The following CHFR variants were observed in gnomAD, a reference collection of about 807,000 sequenced individuals.
The protein encoded by CHFR is checkpoint with forkhead and ring finger domains.
Under a neutral mutation model 87.6 loss-of-function variants are expected in CHFR, and 57 were observed. The ratio of observed to expected loss-of-function variants is 0.65; its 90% CI spans 0.53 to 0.81. CHFR has a LOEUF of 0.81. CHFR is among the 30% of genes least tolerant of loss of function. The pLI is 0.00. For missense variants in CHFR, 797 were observed against 865.8 expected, an observed-to-expected ratio of 0.92 and a Z score of 1.00; for synonymous variants, 381 against 359.2, an observed-to-expected ratio of 1.06 and a Z score of -0.69.
At chr12:132,859,717 T>C (rs1951172619) in intron 7 of CHFR, among the ~76,000 whole-genome samples, 2 of 152,240 alleles carry the variant, frequency 1.3e-5, no homozygotes, top group South Asian at 4.1e-4. Context: ...TATTTTTAAT[T>C]AAAGAAACTG....
chr12:132,852,913 C>T (rs914108954), intron 11 of CHFR, among the ~76,000 whole-genome samples: 1 of 152,228 alleles, frequency 6.6e-6, no homozygotes, highest in Non-Finnish European at 1.5e-5. Flanking sequence ...AGAAGTGAAG[C>T]CTCCATACCC....
intron 2 of CHFR, among the ~76,000 whole-genome samples, chr12:132,886,717 T>C (rs1460862050): frequency 3.3e-5 from 5 of 152,174 alleles, no homozygotes; most frequent in African/African-American, 1.2e-4. Flanking sequence ...AGCTATAAAT[T>C]TCCCTCTGAG....
At chr12:132,863,054 GC>G (rs1951251981) in intron 6 of CHFR, among the ~76,000 whole-genome samples, 2 of 141,944 alleles carry the variant, frequency 1.4e-5, no homozygotes, top group South Asian at 4.5e-4. Flanking sequence ...CCGCCACCAC[GC>G]CCGGCTAATT....
intron 3 of CHFR, among the ~76,000 whole-genome samples, chr12:132,875,945 C>T (rs960651780): frequency 2.0e-5 from 3 of 152,162 alleles, no homozygotes; most frequent in African/African-American, 7.2e-5. Flanking sequence ...GAGGCTGAGG[C>T]AGGCAGATCA....
chr12:132,843,323 G>A (rs1950741764), intron 16 of CHFR, among the ~76,000 whole-genome samples: 1 of 152,184 alleles, frequency 6.6e-6, no homozygotes, highest in Admixed American at 6.5e-5. Flanking sequence ...CACTTTGGGA[G>A]GCAGAGGCAG....
chr12:132,843,023 G>A lies in CHFR; in HGVS notation c.1904C>T (p.Ala635Val), dbSNP rs1950734903. Reference protein sequence around the residue: ...WGRNCRTQVKAHHAMKFNHIC... With the variant: ...WGRNCRTQVKVHHAMKFNHIC... ...CAGCTGCACTCACATGGCGTGGTGA[G>A]CTTTCACCTGAGTGCGGCAGTTACG... The change falls in exon 17 of 18, where the codon GCT (alanine) becomes GTT (valine). Residue 635 changes from alanine (A) to valine (V), a missense_variant. Ala to Val is a moderately conservative substitution (Grantham distance 64). Around this residue, in one of 2 missense-constraint regions of CHFR, gnomAD observed 200 missense variants for 264.6 expected, o/e 0.76. Transcript: ENST00000450056. 1.2e-6 allele frequency: 2 copies of A among 1,612,542 alleles called. No individual in the cohort carries two copies. Among genetic ancestry groups the A allele is most frequent in the Non-Finnish European group, 1.7e-6 (2 of 1,179,428 alleles).
At chr12:132,861,754 G>C in intron 6 of CHFR, 120 bp from the exon 7 acceptor site, 2 of 876,828 alleles carry the variant, frequency 2.3e-6, no homozygotes, top group South Asian at 3.3e-5. Context: ...CGTAGTTTAG[G>C]AATGACAAGT....
In CHFR at chr12:132,838,773, AG is replaced by A. The variant is rs1216669249; in HGVS notation, c.*2780del. 2 of 152,274 alleles carry A rather than the reference AG, an allele frequency of 1.3e-5. No homozygotes were observed. The highest frequency in any genetic ancestry group is 2.9e-5 in the Non-Finnish European group (2 of 68,076). The allele number at this position is 152,274 out of a possible 1,614,324, so 9.4% of individuals were successfully genotyped here. A position where few individuals can be genotyped will look rare whatever the true frequency, so the allele number is the denominator to read the frequency against. On this transcript the variant is annotated 3_prime_UTR_variant, in exon 18 of 18. Transcript: ENST00000450056. ...GTGGGATGGCTGGGTCTTGAGGACG[AG>A]GAAGTACAGAAGCTCATGAAAAGAC... is the stretch of plus-strand genomic sequence containing the variant.
chr12:132,853,002 T>C (rs1156333381), intron 11 of CHFR, among the ~76,000 whole-genome samples: 2 of 152,196 alleles, frequency 1.3e-5, no homozygotes, highest in Non-Finnish European at 2.9e-5. Context: ...GGGAAACATT[T>C]CGCATTAAGC....
chr12:132,856,312 T>C (rs1249198553), intron 10 of CHFR, among the ~76,000 whole-genome samples, 156 bp downstream of exon 10: 3 of 152,178 alleles, frequency 2.0e-5, no homozygotes, highest in Non-Finnish European at 2.9e-5. Flanking sequence ...TACTATCCAA[T>C]ATCAGAAAAC....
chr12:132,869,377 G>A (rs952759466), intron 6 of CHFR, among the ~76,000 whole-genome samples: 1 of 152,080 alleles, frequency 6.6e-6, no homozygotes, highest in Non-Finnish European at 1.5e-5. Flanking sequence ...TGACTTTTAT[G>A]GTATGCGAAT....
At chr12:132,884,320 G>T (rs1348223527) in intron 2 of CHFR, among the ~76,000 whole-genome samples, 1 of 151,466 alleles carries the variant, frequency 6.6e-6, no homozygotes, top group African/African-American at 2.4e-5. Flanking sequence ...TCGGGAGGCT[G>T]AGGCAGGAGA....
chr12:132,858,970 C>T, intron 8 of CHFR, 98 bp downstream of exon 8: 1 of 1,228,652 alleles, frequency 8.1e-7, no homozygotes, highest in Non-Finnish European at 1.1e-6. Context: ...CCAGGCCAAA[C>T]AGGACCTGCA....
intron 6 of CHFR, among the ~76,000 whole-genome samples, chr12:132,863,209 T>TAA (rs749209980): frequency 1.8e-4 from 23 of 129,702 alleles, no homozygotes; most frequent in Admixed American, 1.3e-3. Context: ...CCTCATTTCT[T>TAA]AAAAAAAAAA....
intron 15 of CHFR, among the ~76,000 whole-genome samples, chr12:132,845,937 C>G (rs1763875537): frequency 6.6e-6 from 1 of 152,164 alleles, no homozygotes; most frequent in Admixed American, 6.6e-5. Context: ...AATTTAGCAG[C>G]TGCCCAGTTG....
In CHFR at chr12:132,841,017, C is replaced by T. The variant is rs958138392; in HGVS notation, c.*537G>A. Reference sequence around the variant, plus strand: ...ATTATAAATTATATTATTTGTGCTACAGTTTGTGACATTTAAATCTTATTA... The same window carrying T: ...ATTATAAATTATATTATTTGTGCTATAGTTTGTGACATTTAAATCTTATTA... On this transcript the variant is annotated 3_prime_UTR_variant, in exon 18 of 18. Transcript: ENST00000450056. The T allele has an allele frequency of 1.3e-5, 2 of 152,730 alleles. No homozygotes were observed. The highest frequency in any genetic ancestry group is 2.4e-5 in the African/African-American group (1 of 41,456). 9.5% of individuals were successfully genotyped at this position (152,730 alleles called of 1,614,324 possible).
intron 4 of CHFR, among the ~76,000 whole-genome samples, chr12:132,871,410 C>G (rs1341882108): frequency 2.6e-5 from 4 of 151,460 alleles, no homozygotes; most frequent in Non-Finnish European, 4.4e-5. Context: ...TGAGATCACG[C>G]CATTGCACTC....
rs1178030567 is a variant in CHFR, at chr12:132,835,032, A to G, written c.*6522T>C. 2 of 152,102 alleles carry G rather than the reference A, an allele frequency of 1.3e-5. No homozygotes were observed. Among genetic ancestry groups the G allele is most frequent in the Non-Finnish European group, 2.9e-5 (2 of 68,032 alleles). 9.4% of individuals were successfully genotyped at this position (152,102 alleles called of 1,614,324 possible). ...ACGCCCGGCCTCTTGCTTCCCTCTT[A>G]CAACGACTCCTACTGTTGCACAGAG... On this transcript the variant is annotated 3_prime_UTR_variant, in exon 18 of 18. Transcript: ENST00000450056.
At chr12:132,842,987 G>C (rs761172886) in intron 17 of CHFR, 24 bp downstream of exon 17, 3 of 1,596,076 alleles carry the variant, frequency 1.9e-6, no homozygotes, top group African/African-American at 1.3e-5. Flanking sequence ...TGTAGCTGAC[G>C]CCTGTGCCCC....
Sources: gnomAD v4.1 joint callset for allele counts (sites outside exome capture counted in the v4.1 genomes callset) on GRCh38, gnomAD v4.1.1 for gene constraint, gnomAD v4.1.1 regional missense constraint, MANE v1.5 for transcripts, NCBI Gene and HGNC (gene_info 2026-07-23, HGNC 2026-07-21) for gene names.